Variants in GCN1 observed in about 807,000 individuals in gnomAD.
GCN1 encodes the protein stalled ribosome sensor GCN1.
GCN1 carries 90 observed loss-of-function variants against 288.4 expected under a neutral mutation model. The observed-to-expected ratio is 0.31, with a 90% CI of 0.26 to 0.37. The LOEUF (loss-of-function observed/expected upper bound fraction) is 0.37. GCN1 is among the 10% of genes least tolerant of loss of function. The pLI is 1.00. For synonymous variants in GCN1, 1,386 were observed against 1,420.2 expected (o/e 0.98, Z 0.54); for missense variants, 2,586 against 3,419.9 (o/e 0.76, Z 6.08).
intron 33 of GCN1, among the ~76,000 whole-genome samples, chr12:120,152,389 G>GCACACA (rs59756164): frequency 1.5e-3 from 178 of 116,586 alleles, no homozygotes; most frequent in African/African-American, 3.9e-3. Context: ...ACACACACGC[G>GCACACA]CACACACACA....
In GCN1 at chr12:120,157,874, T is replaced by C. The variant is rs61292062; in HGVS notation, c.3062A>G (p.Asn1021Ser). Residue 1021 changes from asparagine to serine, a missense_variant, in exon 26 of 58, where the codon AAC becomes AGC. Asn to Ser is a conservative substitution (Grantham distance 46, BLOSUM62 1). Transcript: ENST00000300648. Reference protein sequence around the residue: ...TVQAQLRASPNTPPGRVDENG... With the variant: ...TVQAQLRASPSTPPGRVDENG... ...CTCGTCCACCCGCCCGGGTGGGGTG[T>C]TGGGGGAGGCCCTCAGCTGGGCTTG... 2,079 of 1,613,816 alleles carry C rather than the reference T, an allele frequency of 1.3e-3. 24 individuals are homozygous for C. The African/African-American group carries it at 0.024, about 19-fold the overall frequency.
chr12:120,141,758 CT>C (rs1594263210), intron 44 of GCN1, among the ~76,000 whole-genome samples: 1 of 152,342 alleles, frequency 6.6e-6, no homozygotes, highest in Non-Finnish European at 1.5e-5. Flanking sequence ...TTAGTGCTTA[CT>C]TATCTTTCAT....
Position 120,134,691 on chromosome 12 carries a change from C to T in GCN1, c.7044G>A (p.Leu2348=), listed in dbSNP as rs1270655062. 3 of 1,613,084 alleles carry T rather than the reference C, an allele frequency of 1.9e-6. No homozygotes were observed. The highest frequency in any genetic ancestry group is 3.3e-5 in the Admixed American group (2 of 60,024). The change falls in exon 52 of 58, where the codon CTG becomes CTA. Residue 2348 remains leucine, a synonymous_variant. Coordinates refer to ENST00000300648, the MANE Select transcript of GCN1 (RefSeq NM_006836.2). This position sits in a 1 kb window ranked among gnomAD's most constrained non-coding sequence, Gnocchi z 5.0. ...GIALKPFLPQ[L]QTTFTKALQD... is the part of the protein sequence containing the mutation. ...GCAGGGCTTTGGTGAAAGTGGTCTG[C>T]AGCTGGGGCAGGAAGGGCTTCAGGG...
rs1877760846 is a variant in GCN1 at position 120,156,733 on chromosome 12, G to A, written c.3169-129C>T. ...GGCTAAGACCCCAGCTCCAGTGGCA[G>A]GACCCAAGCAAAACCCCTCACTAGC... On this transcript the variant is annotated intron_variant, in intron 27 of 57. Transcript: ENST00000300648. The surrounding 1 kb of genome is among the most constrained non-coding windows in gnomAD (Gnocchi z 5.8). 4 of 1,019,784 alleles carry A rather than the reference G, an allele frequency of 3.9e-6. No homozygotes were observed. The highest frequency in any genetic ancestry group is 5.9e-6 in the Non-Finnish European group (4 of 676,212). 63.2% of individuals were successfully genotyped at this position (1,019,784 alleles called of 1,614,324 possible). A position where few individuals can be genotyped will look rare whatever the true frequency, so the allele number is the denominator to read the frequency against.
Position 120,161,944 on chromosome 12 carries a change from G to A in GCN1, c.2278C>T (p.Arg760Trp), listed in dbSNP as rs376246311. The change falls in exon 21 of 58, where the codon CGG becomes TGG. Residue 760 changes from arginine to tryptophan, a missense_variant. Coordinates refer to ENST00000300648, the MANE Select transcript of GCN1 (RefSeq NM_006836.2). ...VQNPALRLVTREEFAIMQTPA... is the reference protein window; with the variant it reads ...VQNPALRLVTWEEFAIMQTPA... The stretch of plus-strand genomic sequence containing the variant: ...GTCTGCATAATGGCAAACTCCTCCC[G>A]CGTCACCAGGCGCAGTGCAGGGTTC... 3.7e-6 allele frequency: 6 copies of A among 1,614,092 alleles called. No homozygotes were observed. Among genetic ancestry groups the A allele is most frequent in the Non-Finnish European group, 5.1e-6 (6 of 1,180,014 alleles).
chr12:120,177,565 A>G lies in GCN1; in HGVS notation c.730-10T>C, dbSNP rs1268584015. 1 of 1,589,154 alleles carries G rather than the reference A, an allele frequency of 6.3e-7. No individual in the cohort carries two copies. Among genetic ancestry groups the G allele is most frequent in the Non-Finnish European group, 8.6e-7 (1 of 1,157,284 alleles). The stretch of plus-strand genomic sequence containing the variant: ...GAGGGGCACAGCTATCCTACAAAGA[A>G]AAAGGAATAAGGCACCTAGCCCTCA... On this transcript the variant is annotated splice_polypyrimidine_tract_variant and intron_variant, in intron 8 of 57. Transcript: ENST00000300648.
chr12:120,149,824 T>A, intron 35 of GCN1, 98 bp downstream of exon 35: 1 of 1,543,404 alleles, frequency 6.5e-7, no homozygotes, highest in African/African-American at 1.4e-5. Context: ...TTACTGGGGT[T>A]CTATTATGTC....
rs1263049952 is a variant in GCN1, at chr12:120,140,866, C to T, written c.5987G>A (p.Arg1996Gln). 5.0e-6 allele frequency: 8 copies of T among 1,613,220 alleles called. No homozygotes were observed. In the African/African-American group the frequency reaches 5.3e-5, roughly 11 times the overall value. The change falls in exon 45 of 58, where the codon CGG (arginine) becomes CAG (glutamine). Residue 1996 changes from arginine to glutamine, a missense_variant. Arg to Gln is a conservative substitution (Grantham distance 43, BLOSUM62 1). Around this residue, in one of 8 missense-constraint regions of GCN1, gnomAD observed 437 missense variants for 570.5 expected, o/e 0.77. Transcript: ENST00000300648. ...TCCTTGGAAGATACTCACGGCATCC[C>T]GGCTGGTGGACTTCATGATCTCACT... ...GLSEIMKSTS[R>Q]DAVLYFSESL...
Position 120,156,615 on chromosome 12 carries a change from C to T in GCN1, c.3169-11G>A, listed in dbSNP as rs765582862. ...GTCTGAAGCCAGAACCTAAGGAGAA[C>T]ATCAATCCACTGGTTCAGTCAGCAA... On this transcript the variant is annotated splice_polypyrimidine_tract_variant and intron_variant, in intron 27 of 57. Transcript: ENST00000300648. This position sits in a 1 kb window ranked among gnomAD's most constrained non-coding sequence, Gnocchi z 5.8. The T allele has an allele frequency of 4.3e-6, 7 of 1,613,418 alleles. No homozygotes were observed. Among genetic ancestry groups the T allele is most frequent in the East Asian group, 2.2e-5 (1 of 44,888 alleles).
Position 120,153,099 on chromosome 12 carries a change from C to T in GCN1, c.4062+114G>A. The T allele has an allele frequency of 1.2e-6, 1 of 808,730 alleles. No homozygotes were observed. Among genetic ancestry groups the T allele is most frequent in the Non-Finnish European group, 2.0e-6 (1 of 504,316 alleles). 50.1% of individuals were successfully genotyped at this position (808,730 alleles called of 1,614,324 possible). A position where few individuals can be genotyped will look rare whatever the true frequency, so the allele number is the denominator to read the frequency against. The stretch of plus-strand genomic sequence containing the variant: ...AGAGGGGGTGAATCCTTAACAAGAA[C>T]TGGGCTTTCAGGGCCCTGATTGTCC... On this transcript the variant is annotated intron_variant, in intron 33 of 57. Transcript: ENST00000300648. The surrounding 1 kb of genome is among the most constrained non-coding windows in gnomAD (Gnocchi z 4.4).
Position 120,153,711 on chromosome 12 carries a change from C to G in GCN1, c.3867+33G>C. Reference sequence around the variant, plus strand: ...TAGCGGGCTGGGACCCCCTTACCTTCCCGTGGGTGTTCCCTGGCTGGGACC... The same window carrying G: ...TAGCGGGCTGGGACCCCCTTACCTTGCCGTGGGTGTTCCCTGGCTGGGACC... On this transcript the variant is annotated intron_variant, in intron 32 of 57. Coordinates refer to ENST00000300648, the MANE Select transcript of GCN1 (RefSeq NM_006836.2). This position sits in a 1 kb window ranked among gnomAD's most constrained non-coding sequence, Gnocchi z 4.4. 2.5e-6 allele frequency: 4 copies of G among 1,605,648 alleles called. No individual in the cohort carries two copies. The highest frequency in any genetic ancestry group is 3.4e-6 in the Non-Finnish European group (4 of 1,174,352).
Position 120,151,212 on chromosome 12 carries a change from C to T in GCN1, c.4242G>A (p.Lys1414=), listed in dbSNP as rs754849688. The T allele has an allele frequency of 6.2e-7, 1 of 1,614,160 alleles. No individual in the cohort carries two copies. Among genetic ancestry groups the T allele is most frequent in the Non-Finnish European group, 8.5e-7 (1 of 1,180,020 alleles). ...TCAGTGCCGCCATCATCTCCTGTTGCTTCAGCGAGAGGATGCCCAGGCCCT... is the reference window on the plus strand; with the variant it reads ...TCAGTGCCGCCATCATCTCCTGTTGTTTCAGCGAGAGGATGCCCAGGCCCT... ...LVKGLGILSL[K]QQEMMAALTD... The change falls in exon 34 of 58, where the codon AAG becomes AAA. Residue 1414 remains lysine (K), a synonymous_variant. Coordinates refer to ENST00000300648, the MANE Select transcript of GCN1 (RefSeq NM_006836.2).
rs774478675 is a variant in GCN1, at chr12:120,137,763, G to A, written c.6445C>T (p.His2149Tyr). The A allele has an allele frequency of 1.9e-6, 3 of 1,614,014 alleles. No homozygotes were observed. The highest frequency in any genetic ancestry group is 2.2e-5 in the South Asian group (2 of 91,068). ...AGCAGATCCTCGATGATGATCCGGT[G>A]CCCTGTGTCATCCTCTACGGAGAGG... ...VILSVEDDTG[H>Y]RIIIEDLLEA... is the part of the protein sequence containing the mutation. Residue 2149 changes from histidine to tyrosine, a missense_variant, in exon 49 of 58, where the codon CAC becomes TAC. Physicochemically the swap from His to Tyr is moderately conservative, Grantham distance 83. Coordinates refer to ENST00000300648, the MANE Select transcript of GCN1 (RefSeq NM_006836.2). The surrounding 1 kb of genome is among the most constrained non-coding windows in gnomAD (Gnocchi z 5.2).
intron 16 of GCN1, 95 bp downstream of exon 16, chr12:120,168,113 G>T: frequency 1.2e-6 from 1 of 802,762 alleles, no homozygotes; most frequent in Non-Finnish European, 2.2e-6. Context: ...GGTTTTTGCA[G>T]ACCTGACTGG....
Position 120,184,904 on chromosome 12 carries a change from C to T in GCN1, c.122-17G>A, listed in dbSNP as rs999947937. On this transcript the variant is annotated splice_polypyrimidine_tract_variant and intron_variant, in intron 2 of 57. Coordinates refer to ENST00000300648, the MANE Select transcript of GCN1 (RefSeq NM_006836.2). ...CTGGAAGATCTGAAACCAGAGATTA[C>T]ACAGACAGCGGTCAATAAAAATCAC... 2.3e-5 allele frequency: 36 copies of T among 1,582,394 alleles called. No individual in the cohort carries two copies. The highest frequency in any genetic ancestry group is 3.0e-5 in the Non-Finnish European group (35 of 1,152,096).
chr12:120,153,876 G>C lies in GCN1; in HGVS notation c.3735C>G (p.Ser1245=). ...TCACCTGAGAGCTGTCCAAATACTG[G>C]GAGAGCTTGTTGAGGGCCAACGCCA... ...CGLALALNKL[S]QYLDSSQVKP... is the part of the protein sequence containing the mutation. Residue 1245 remains serine, a synonymous_variant, in exon 32 of 58, where the codon TCC becomes TCG. Coordinates refer to ENST00000300648, the MANE Select transcript of GCN1 (RefSeq NM_006836.2). The surrounding 1 kb of genome is among the most constrained non-coding windows in gnomAD (Gnocchi z 4.4). The C allele has an allele frequency of 6.2e-7, 1 of 1,614,134 alleles. No individual in the cohort carries two copies. Among genetic ancestry groups the C allele is most frequent in the Admixed American group, 1.7e-5 (1 of 60,008 alleles).
chr12:120,177,634 T>C (rs746255641), intron 8 of GCN1, 50 bp downstream of exon 8: 19 of 1,558,544 alleles, frequency 1.2e-5, no homozygotes, highest in East Asian at 4.5e-5. Context: ...CATCCCAGAA[T>C]TGAAAATGGG....
At chr12:120,136,008 C>A (rs1876991402) in intron 51 of GCN1, among the ~76,000 whole-genome samples, 1 of 151,906 alleles carries the variant, frequency 6.6e-6, no homozygotes, top group African/African-American at 2.4e-5. Context: ...CAGAGTTAGA[C>A]TCTGTCTCAA....
chr12:120,155,889 T>C lies in GCN1; in HGVS notation c.3313-170A>G, dbSNP rs561082612. Among the ~76,000 whole-genome samples the C allele has an allele frequency of 3.9e-5, 6 of 152,194 alleles. No homozygotes were observed. The South Asian group carries it at 1.2e-3, about 32-fold the overall frequency. ...TAAGTAAGTTCCTTAGAGTGTGAGG[T>C]GGTAAAATGTTTTTTTAATGTGAAA... On this transcript the variant is annotated intron_variant, in intron 28 of 57. Transcript: ENST00000300648. This position sits in a 1 kb window ranked among gnomAD's most constrained non-coding sequence, Gnocchi z 4.9.
Sources: allele counts gnomAD v4.1 joint callset (sites outside exome capture counted in the v4.1 genomes callset), GRCh38; gene constraint gnomAD v4.1.1; regional missense constraint gnomAD v4.1.1; non-coding constraint Gnocchi (gnomAD v3.1); transcripts MANE v1.5; gene names NCBI Gene and HGNC (gene_info 2026-07-23, HGNC 2026-07-21).